EYA1: variants seen among roughly 807,000 people sequenced by gnomAD.
The protein encoded by EYA1 is protein phosphatase EYA1.
EYA1 carries 16 observed loss-of-function variants against 82.0 expected under a neutral mutation model. The ratio of observed to expected loss-of-function variants is 0.20; its 90% CI spans 0.13 to 0.30. EYA1 has a LOEUF of 0.30. Ranked by LOEUF, EYA1 falls within the 10% of genes least tolerant of loss-of-function variation. EYA1 has a pLI of 1.00. For missense variants in EYA1, 633 were observed against 730.7 expected (o/e 0.87, Z 1.54); for synonymous variants, 261 against 264.4 (o/e 0.99, Z 0.12).
At chr8:71,404,963 A>T (rs1830142337) in intron 2 of EYA1, 1 of 151,164 alleles carries the variant, frequency 6.6e-6, no homozygotes, top group Non-Finnish European at 1.5e-5. Context: ...ATACAAAAGG[A>T]AGGGATAACA....
intron 2 of EYA1, among the ~76,000 whole-genome samples, chr8:71,452,623 T>C (rs948680100): frequency 3.9e-5 from 6 of 152,180 alleles, no homozygotes; most frequent in Admixed American, 6.5e-5. Context: ...ATATTCGCTG[T>C]TCTGCAGCCT....
At chr8:71,278,699 G>C (rs1472325858) in intron 9 of EYA1, among the ~76,000 whole-genome samples, 1 of 152,072 alleles carries the variant, frequency 6.6e-6, no homozygotes, top group African/African-American at 2.4e-5. Flanking sequence ...CCTTCACAGA[G>C]GTATTTTATT....
At chr8:71,516,910 G>T (rs535611689) in intron 2 of EYA1, among the ~76,000 whole-genome samples, 9 of 152,086 alleles carry the variant, frequency 5.9e-5, no homozygotes, top group African/African-American at 2.2e-4. Context: ...AAGTAATCTG[G>T]ATTCCACCCT....
At chr8:71,472,178 C>T (rs1809258384) in intron 2 of EYA1, among the ~76,000 whole-genome samples, 1 of 152,130 alleles carries the variant, frequency 6.6e-6, no homozygotes, top group Admixed American at 6.6e-5. Context: ...CTAGTGTTTA[C>T]AGCTTGGTTT....
intron 4 of EYA1, among the ~76,000 whole-genome samples, chr8:71,326,641 G>A (rs1351407716): frequency 6.6e-6 from 1 of 152,164 alleles, no homozygotes; most frequent in Admixed American, 6.5e-5. Flanking sequence ...GAGAGCTGGG[G>A]CTCCTCTGAT....
chr8:71,310,229 CAAT>C (rs1821187715), intron 7 of EYA1, among the ~76,000 whole-genome samples: 1 of 152,032 alleles, frequency 6.6e-6, no homozygotes, highest in Non-Finnish European at 1.5e-5. Context: ...CATACGATGA[CAAT>C]AAATTAGCTG....
At chr8:71,466,585 AGAT>A (rs1350872447) in intron 2 of EYA1, among the ~76,000 whole-genome samples, 2 of 152,172 alleles carry the variant, frequency 1.3e-5, no homozygotes, top group African/African-American at 2.4e-5. Context: ...GCAGGTGTAG[AGAT>A]ATAATCGTTA....
chr8:71,279,212 TAAA>T (rs1817544040), intron 9 of EYA1, among the ~76,000 whole-genome samples: 1 of 152,176 alleles, frequency 6.6e-6, no homozygotes, highest in Non-Finnish European at 1.5e-5. Context: ...GAGACTCAGA[TAAA>T]AATAACAGAG....
chr8:71,396,661 T>C (rs969728713), intron 2 of EYA1, among the ~76,000 whole-genome samples: 2 of 152,204 alleles, frequency 1.3e-5, no homozygotes, highest in Non-Finnish European at 2.9e-5. Flanking sequence ...TGAGACAGTT[T>C]GTTATAATTT....
intron 1 of EYA1, 122 bp from the exon 2 acceptor site, chr8:71,356,633 G>A: frequency 7.1e-7 from 1 of 1,403,818 alleles, no homozygotes; most frequent in South Asian, 1.7e-5. Context: ...AGAAAAAGGA[G>A]GATACTGCAG....
chr8:71,276,485 C>A (rs4145821), intron 9 of EYA1, among the ~76,000 whole-genome samples: 40,937 of 152,046 alleles, frequency 0.27, 5,578 homozygotes, highest in Admixed American at 0.3. Context: ...AAAAGGAATC[C>A]TCCCTATCAA....
At position 71,314,493 on chromosome 8, in the gene EYA1, T is replaced by C. The variant is rs140419747; in HGVS notation, c.556+3059A>G. Among the ~76,000 whole-genome samples the C allele has an allele frequency of 7.4e-4, 112 of 152,318 alleles. No individual in the cohort carries two copies. In the East Asian group the frequency reaches 0.011, roughly 15 times the overall value. On this transcript the variant is annotated intron_variant, in intron 7 of 17. Transcript: ENST00000340726. ...GTTGAATATCCCTTATCTGAAATGC[T>C]TGGGACCAGAAATGTTTTGGATTTT...
At chr8:71,380,144 C>CT (rs1237026991) in intron 2 of EYA1, among the ~76,000 whole-genome samples, 3 of 152,168 alleles carry the variant, frequency 2.0e-5, no homozygotes, top group Non-Finnish European at 4.4e-5. Context: ...TCAATAGCCT[C>CT]TTTTTTCTGT....
At chr8:71,546,479 C>T (rs965039135) in intron 1 of EYA1, among the ~76,000 whole-genome samples, 10 of 151,706 alleles carry the variant, frequency 6.6e-5, no homozygotes, top group African/African-American at 2.4e-4. Context: ...CCAGGATCCT[C>T]TGTGCTTAGT....
intron 4 of EYA1, among the ~76,000 whole-genome samples, chr8:71,328,669 T>C (rs982170406): frequency 6.6e-6 from 1 of 152,224 alleles, no homozygotes; most frequent in African/African-American, 2.4e-5. Context: ...TAAAAATCTT[T>C]CTTTCTCTGG....
At chr8:71,370,805 C>T (rs1430949187) in intron 2 of EYA1, among the ~76,000 whole-genome samples, 10 of 151,250 alleles carry the variant, frequency 6.6e-5, no homozygotes, top group South Asian at 4.2e-4. Flanking sequence ...TTTTATTTTA[C>T]GTACAGACGA....
At chr8:71,538,282 C>T (rs1009454698) in intron 1 of EYA1, among the ~76,000 whole-genome samples, 9 of 152,184 alleles carry the variant, frequency 5.9e-5, no homozygotes, top group African/African-American at 1.4e-4. Context: ...CTGTCTCCCC[C>T]GCTAGACTGT....
At chr8:71,247,773 C>T (rs1324733767) in intron 11 of EYA1, among the ~76,000 whole-genome samples, 1 of 152,136 alleles carries the variant, frequency 6.6e-6, no homozygotes, top group Admixed American at 6.5e-5. Flanking sequence ...GTAGGGGAAG[C>T]TCAAACAGAT....
intron 9 of EYA1, among the ~76,000 whole-genome samples, chr8:71,298,550 G>A (rs1819837391): frequency 6.6e-6 from 1 of 152,148 alleles, no homozygotes; most frequent in Admixed American, 6.5e-5. Flanking sequence ...CATAACAAAT[G>A]CCCAAACTCA....
Sources: allele counts gnomAD v4.1 joint callset (sites outside exome capture counted in the v4.1 genomes callset), GRCh38; gene constraint gnomAD v4.1.1; transcripts MANE v1.5; gene names NCBI Gene and HGNC (gene_info 2026-07-23, HGNC 2026-07-21).